Variants in EYS observed in about 807,000 individuals in gnomAD.
The protein encoded by EYS is protein eyes shut homolog.
In EYS, 250 loss-of-function variants were observed where a neutral mutation model predicts 282.1. The ratio of observed to expected loss-of-function variants is 0.89; its 90% confidence interval spans 0.80 to 0.98. The LOEUF (loss-of-function observed/expected upper bound fraction) is 0.98, where lower values mean the gene tolerates loss of function less well. EYS is among the 50% of genes least tolerant of loss of function. The pLI is 0.00. For missense variants in EYS, 4,016 were observed against 3,709.0 expected, an observed-to-expected ratio of 1.08 and a Z score of -2.15; for synonymous variants, 1,355 against 1,282.9, an observed-to-expected ratio of 1.06 and a Z score of -1.20.
intron 14 of EYS, 98 bp downstream of exon 14, chr6:64,997,484 C>T: frequency 1.8e-6 from 2 of 1,115,832 alleles, no homozygotes; most frequent in Non-Finnish European, 2.5e-6. Context: ...AATATATATA[C>T]TAACCTAACA....
At chr6:64,244,611 A>G (rs905234640) in intron 30 of EYS, among the ~76,000 whole-genome samples, 2 of 152,162 alleles carry the variant, frequency 1.3e-5, no homozygotes, top group Non-Finnish European at 2.9e-5. Flanking sequence ...TCCTGTTAAA[A>G]TATGTATTAT....
intron 2 of EYS, among the ~76,000 whole-genome samples, chr6:65,601,174 T>G (rs1765606840): frequency 6.6e-6 from 1 of 151,978 alleles, no homozygotes; most frequent in Non-Finnish European, 1.5e-5. Context: ...TTATTAGTGC[T>G]TTCCTTTCAA....
intron 5 of EYS, among the ~76,000 whole-genome samples, chr6:65,455,740 A>G (rs1080461): frequency 0.18 from 28,129 of 152,070 alleles, 3,249 homozygotes; most frequent in Middle Eastern, 0.29. Flanking sequence ...AATTAGTAAG[A>G]AAATTGAATC....
chr6:65,538,714 G>A (rs551294766), intron 2 of EYS, among the ~76,000 whole-genome samples: 1 of 152,056 alleles, frequency 6.6e-6, no homozygotes, highest in Non-Finnish European at 1.5e-5. Context: ...TTCTTTCAAA[G>A]TTTAAGGAGA....
At chr6:65,661,717 C>A (rs1427979769) in intron 1 of EYS, among the ~76,000 whole-genome samples, 1 of 152,028 alleles carries the variant, frequency 6.6e-6, no homozygotes, top group Non-Finnish European at 1.5e-5. Flanking sequence ...GTCATTTGTA[C>A]CACTTCTCCC....
chr6:65,338,913 T>A (rs1252003718), intron 10 of EYS, among the ~76,000 whole-genome samples: 2 of 151,176 alleles, frequency 1.3e-5, no homozygotes, highest in African/African-American at 4.8e-5. Flanking sequence ...CATAGGTAAA[T>A]AAACAACTCT....
At chr6:63,819,990 T>C (rs974342433) in intron 36 of EYS, among the ~76,000 whole-genome samples, 1 of 152,228 alleles carries the variant, frequency 6.6e-6, no homozygotes, top group African/African-American at 2.4e-5. Context: ...TCTGAAGTAC[T>C]ACTTCTTAAG....
chr6:65,395,598 T>C (rs1486027495), intron 7 of EYS, among the ~76,000 whole-genome samples: 1 of 152,196 alleles, frequency 6.6e-6, no homozygotes, highest in Non-Finnish European at 1.5e-5. Flanking sequence ...TTTTTAGCTA[T>C]AGTCATTACC....
chr6:65,150,001 G>A (rs1364939327), intron 12 of EYS, among the ~76,000 whole-genome samples: 2 of 152,048 alleles, frequency 1.3e-5, no homozygotes, highest in Non-Finnish European at 2.9e-5. Flanking sequence ...AATGCCAGAT[G>A]TTTACAAAAC....
At chr6:65,635,206 A>T (rs1214811971) in intron 2 of EYS, among the ~76,000 whole-genome samples, 2 of 152,138 alleles carry the variant, frequency 1.3e-5, no homozygotes, top group Non-Finnish European at 2.9e-5. Flanking sequence ...TGCATAACCC[A>T]CCTCAACCCC....
intron 31 of EYS, among the ~76,000 whole-genome samples, chr6:64,152,126 A>C (rs538608199): frequency 6.6e-6 from 1 of 152,300 alleles, no homozygotes; most frequent in South Asian, 2.1e-4. Flanking sequence ...AAATCCAAGA[A>C]AACTTTTTGA....
chr6:64,597,054 G>T (rs1360817917), intron 24 of EYS, among the ~76,000 whole-genome samples: 1 of 151,956 alleles, frequency 6.6e-6, no homozygotes, highest in Admixed American at 6.6e-5. Flanking sequence ...TGGACAAGGG[G>T]CATGAATAGG....
intron 2 of EYS, among the ~76,000 whole-genome samples, chr6:65,536,835 T>C (rs1331015961): frequency 2.0e-5 from 3 of 152,164 alleles, no homozygotes; most frequent in Non-Finnish European, 4.4e-5. Flanking sequence ...TAAACGTCTC[T>C]AAATTAACCT....
At chr6:65,138,443 T>C (rs1776084078) in intron 12 of EYS, among the ~76,000 whole-genome samples, 1 of 151,938 alleles carries the variant, frequency 6.6e-6, no homozygotes, top group African/African-American at 2.4e-5. Flanking sequence ...ATATTAAGAG[T>C]GTATATTTGG....
At chr6:64,757,482 TG>T (rs1215395812) in intron 22 of EYS, among the ~76,000 whole-genome samples, 1 of 152,146 alleles carries the variant, frequency 6.6e-6, no homozygotes. Context: ...TACACAAGTA[TG>T]TTTTGACTGT....
intron 35 of EYS, among the ~76,000 whole-genome samples, chr6:63,937,413 C>CTTTTTT (rs1765100954): frequency 1.1e-5 from 1 of 89,544 alleles, no homozygotes; most frequent in Non-Finnish European, 2.1e-5. Context: ...CGGAGTCTCA[C>CTTTTTT]TTTGTTGCCC....
At chr6:64,547,356 G>A (rs142840672) in intron 26 of EYS, among the ~76,000 whole-genome samples, 7,797 of 152,144 alleles carry the variant, frequency 0.051, 458 homozygotes, top group African/African-American at 0.13. Context: ...TGATTGGTCC[G>A]TTTTGACAGG....
chr6:63,799,023 T>TATATATATAAAA (rs1770720355), intron 37 of EYS, among the ~76,000 whole-genome samples: 1 of 100,910 alleles, frequency 9.9e-6, no homozygotes, highest in African/African-American at 4.3e-5. Flanking sequence ...ATATATATAA[T>TATATATATAAAA]TTTTTTTTTT....
At chr6:64,139,625 G>C (rs113064820) in intron 31 of EYS, among the ~76,000 whole-genome samples, 1 of 152,058 alleles carries the variant, frequency 6.6e-6, no homozygotes, top group Non-Finnish European at 1.5e-5. Flanking sequence ...GCATTGAAGA[G>C]TTGAGCAGAG....
Sources: allele counts gnomAD v4.1 joint callset (sites outside exome capture counted in the v4.1 genomes callset), GRCh38; gene constraint gnomAD v4.1.1; transcripts MANE v1.5; gene names NCBI Gene and HGNC (gene_info 2026-07-23, HGNC 2026-07-21).